Variants in OXR1 observed in about 807,000 individuals in gnomAD.
The protein encoded by OXR1 is oxidation resistance 1, also known as oxidation resistance protein 1.
In OXR1, 41 loss-of-function variants were observed where a neutral mutation model predicts 104.6. The ratio of observed to expected loss-of-function variants is 0.39; its 90% CI spans 0.31 to 0.51. The LOEUF (loss-of-function observed/expected upper bound fraction) is 0.51. OXR1 is among the 20% of genes least tolerant of loss of function. The pLI, the probability that OXR1 is intolerant of heterozygous loss-of-function variation, is 0.77. For missense variants in OXR1, 955 were observed against 1,031.9 expected, an observed-to-expected ratio of 0.93 and a Z score of 1.02; for synonymous variants, 348 against 348.4, an observed-to-expected ratio of 1.00 and a Z score of 0.01.
chr8:106,565,012 G>A lies in OXR1; in HGVS notation c.220+45873G>A, dbSNP rs184742973. On this transcript the variant is annotated intron_variant, in intron 3 of 16. Transcript: ENST00000517566. ...AATAAGAGCTATTTATGACAAGCCCGCAGCCAATATCATACTGAATGGGCA... is the reference window on the plus strand; with the variant it reads ...AATAAGAGCTATTTATGACAAGCCCACAGCCAATATCATACTGAATGGGCA... 7.6e-4 allele frequency among the ~76,000 whole-genome samples: 116 copies of A among 152,176 alleles called. 1 individual carries two copies. The East Asian group carries it at 0.02, about 27-fold the overall frequency.
chr8:106,657,311 T>C (rs1388247544), intron 3 of OXR1, among the ~76,000 whole-genome samples: 1 of 105,528 alleles, frequency 9.5e-6, no homozygotes, highest in Admixed American at 8.6e-5. Context: ...TCCGCCGTCC[T>C]TAAACATAAA....
intron 2 of OXR1, among the ~76,000 whole-genome samples, chr8:106,365,594 C>T (rs946543088): frequency 2.6e-5 from 4 of 152,062 alleles, no homozygotes; most frequent in Non-Finnish European, 4.4e-5. Flanking sequence ...CAAACTATGC[C>T]TTTTCAAATT....
In OXR1 at chr8:106,692,868, C is replaced by T; in HGVS notation, c.666C>T (p.Thr222=). The change falls in exon 7 of 17, where the codon ACC becomes ACT. Residue 222 remains threonine, a synonymous_variant. Transcript: ENST00000517566. ...KFLKINCKYI[T]SGKGTVSGVL... is the part of the protein sequence containing the mutation. ...TTAAAATTAATTGCAAATATATTAC[C>T]AGTGGCAAGGTAAAGAATGACACTT... 1 of 1,597,568 alleles carries T rather than the reference C, an allele frequency of 6.3e-7. No individual in the cohort carries two copies.
At chr8:106,473,222 G>A (rs1821613561) in intron 2 of OXR1, among the ~76,000 whole-genome samples, 2 of 151,906 alleles carry the variant, frequency 1.3e-5, no homozygotes, top group Middle Eastern at 3.4e-3. Context: ...GAACTTAATG[G>A]CACAGCACAA....
chr8:106,321,361 A>T (rs1245200032), intron 1 of OXR1, among the ~76,000 whole-genome samples: 1 of 152,180 alleles, frequency 6.6e-6, no homozygotes, highest in African/African-American at 2.4e-5. Flanking sequence ...TGGAACCTTT[A>T]TGGTGAGGAG....
intron 3 of OXR1, among the ~76,000 whole-genome samples, chr8:106,674,863 C>T (rs145166666): frequency 1.1e-3 from 166 of 152,220 alleles, no homozygotes; most frequent in African/African-American, 3.2e-3. Context: ...CTTTGCCTTC[C>T]GCTATGACTT....
intron 3 of OXR1, among the ~76,000 whole-genome samples, chr8:106,647,496 G>A (rs1243772710): frequency 1.3e-5 from 2 of 152,028 alleles, no homozygotes; most frequent in Non-Finnish European, 2.9e-5. Context: ...ACACACAAAT[G>A]CTTTATATAA....
chr8:106,390,305 G>A (rs1435362016), intron 2 of OXR1, among the ~76,000 whole-genome samples: 1 of 152,134 alleles, frequency 6.6e-6, no homozygotes, highest in South Asian at 2.1e-4. Flanking sequence ...CACCTTAATG[G>A]ACAAAAAACA....
intron 1 of OXR1, among the ~76,000 whole-genome samples, chr8:106,285,139 C>G (rs1214794856): frequency 6.6e-6 from 1 of 152,020 alleles, no homozygotes; most frequent in Non-Finnish European, 1.5e-5. Context: ...CACAACAGGC[C>G]CCGGTGTGTG....
At chr8:106,533,017 A>G (rs1264100629) in intron 3 of OXR1, among the ~76,000 whole-genome samples, 2 of 152,180 alleles carry the variant, frequency 1.3e-5, no homozygotes, top group Admixed American at 6.5e-5. Context: ...TTTACCTGAC[A>G]TCGTTTTTCT....
chr8:106,652,087 C>T (rs1484706873), intron 3 of OXR1, among the ~76,000 whole-genome samples: 2 of 151,968 alleles, frequency 1.3e-5, no homozygotes, highest in Non-Finnish European at 2.9e-5. Flanking sequence ...TGTCTATTTG[C>T]AGGGGTATCT....
chr8:106,353,814 T>C (rs1483426927), intron 1 of OXR1, among the ~76,000 whole-genome samples: 1 of 152,128 alleles, frequency 6.6e-6, no homozygotes, highest in African/African-American at 2.4e-5. Context: ...AGTCACCGTG[T>C]TGTGTTGTAC....
chr8:106,452,718 G>T (rs1293021742), intron 2 of OXR1, among the ~76,000 whole-genome samples: 1 of 152,056 alleles, frequency 6.6e-6, no homozygotes, highest in Non-Finnish European at 1.5e-5. Context: ...GGTCACATTT[G>T]AAATCTTGTC....
intron 1 of OXR1, among the ~76,000 whole-genome samples, chr8:106,339,195 T>C (rs940057011): frequency 2.0e-5 from 3 of 151,900 alleles, no homozygotes; most frequent in African/African-American, 7.3e-5. Flanking sequence ...CTATAAATAT[T>C]GATAAATATA....
chr8:106,638,754 G>A (rs978248397), intron 3 of OXR1, among the ~76,000 whole-genome samples: 2 of 152,038 alleles, frequency 1.3e-5, no homozygotes, highest in Admixed American at 6.6e-5. Context: ...TTAGCTGGGC[G>A]TGGTGGCACG....
chr8:106,593,753 G>A (rs979340533), intron 3 of OXR1, among the ~76,000 whole-genome samples: 1 of 152,200 alleles, frequency 6.6e-6, no homozygotes, highest in Admixed American at 6.5e-5. Context: ...TCCAGCCTGG[G>A]CGACAGAGCG....
chr8:106,298,913 TTA>T (rs1216486986), intron 1 of OXR1, among the ~76,000 whole-genome samples: 1 of 104,998 alleles, frequency 9.5e-6, no homozygotes, highest in African/African-American at 5.7e-5. Flanking sequence ...AAAGATGCAT[TTA>T]TATATATATG....
intron 2 of OXR1, among the ~76,000 whole-genome samples, chr8:106,471,198 GGA>G (rs1213343959): frequency 5.3e-5 from 8 of 151,510 alleles, no homozygotes; most frequent in East Asian, 1.9e-4. Context: ...GGATTATAGA[GGA>G]GAGAGGGGAA....
intron 3 of OXR1, among the ~76,000 whole-genome samples, chr8:106,521,681 T>G (rs1278632375): frequency 6.6e-6 from 1 of 152,062 alleles, no homozygotes; most frequent in African/African-American, 2.4e-5. Context: ...CCCTGCTAAT[T>G]TTTTGTATTT....
Sources: allele counts gnomAD v4.1 joint callset (sites outside exome capture counted in the v4.1 genomes callset), GRCh38; gene constraint gnomAD v4.1.1; transcripts MANE v1.5; gene names NCBI Gene and HGNC (gene_info 2026-07-23, HGNC 2026-07-21).